CSMD2: variants seen among roughly 807,000 people sequenced by gnomAD.
The protein encoded by CSMD2 is CUB and sushi domain-containing protein 2.
In CSMD2, 130 loss-of-function variants were observed where a neutral mutation model predicts 398.5. The observed-to-expected ratio is 0.33, with a 90% confidence interval of 0.28 to 0.38. The LOEUF is 0.38. CSMD2 is among the 10% of genes least tolerant of loss of function. CSMD2 has a pLI of 1.00. For missense variants in CSMD2, 3,829 were observed against 4,764.9 expected (o/e 0.80, Z 5.78); for synonymous variants, 1,828 against 1,908.5 (o/e 0.96, Z 1.10).
At position 33,537,228 on chromosome 1, in the gene CSMD2, T is replaced by G; in HGVS notation, c.9806-133A>C. On this transcript the variant is annotated intron_variant, in intron 61 of 70. Coordinates refer to ENST00000373381, the MANE Select transcript of CSMD2 (RefSeq NM_001281956.2). This position sits in a 1 kb window ranked among gnomAD's most constrained non-coding sequence, Gnocchi z 4.6. Reference sequence around the variant, plus strand: ...TTCCCTGCCCACTGAGATCCCCACCTGAGCCTTGGCCCTGGCTGTCTATTT... The same window carrying G: ...TTCCCTGCCCACTGAGATCCCCACCGGAGCCTTGGCCCTGGCTGTCTATTT... The G allele has an allele frequency of 8.8e-7, 1 of 1,140,942 alleles. No individual in the cohort carries two copies. Among genetic ancestry groups the G allele is most frequent in the Admixed American group, 1.9e-5 (1 of 51,796 alleles). 70.7% of individuals were successfully genotyped at this position (1,140,942 alleles called of 1,614,324 possible).
At chr1:34,095,954 C>T (rs1659245308) in intron 1 of CSMD2, among the ~76,000 whole-genome samples, 1 of 152,054 alleles carries the variant, frequency 6.6e-6, no homozygotes, top group Non-Finnish European at 1.5e-5. Flanking sequence ...AGAGACACAA[C>T]CAAAAAAGAG....
At chr1:33,573,450 T>A (rs1397933267) in intron 49 of CSMD2, among the ~76,000 whole-genome samples, 1 of 151,630 alleles carries the variant, frequency 6.6e-6, no homozygotes, top group Non-Finnish European at 1.5e-5. Context: ...ATCAGTAGTA[T>A]CTTGAGAAAG....
intron 9 of CSMD2, among the ~76,000 whole-genome samples, chr1:33,819,087 G>A (rs1013749515): frequency 1.3e-5 from 2 of 152,188 alleles, no homozygotes; most frequent in African/African-American, 4.8e-5. Context: ...TACCACAGAA[G>A]CAGCTGTAGC....
intron 3 of CSMD2, among the ~76,000 whole-genome samples, chr1:33,993,647 G>T (rs1255119463): frequency 1.3e-5 from 2 of 151,938 alleles, no homozygotes; most frequent in African/African-American, 4.8e-5. Flanking sequence ...CAATAATATT[G>T]AAAGAGAAAT....
chr1:33,624,391 G>T lies in CSMD2; in HGVS notation c.5625+128C>A. ...TAGCCGCAGGGGCAGGTACAGGGCT[G>T]ATATGTCTCTTCCTGGCTCACCCTG... On this transcript the variant is annotated intron_variant, in intron 35 of 70. Coordinates refer to ENST00000373381, the MANE Select transcript of CSMD2 (RefSeq NM_001281956.2). This position sits in a 1 kb window ranked among gnomAD's most constrained non-coding sequence, Gnocchi z 4.7. 8.2e-7 allele frequency: 1 copy of T among 1,214,140 alleles called. No individual in the cohort carries two copies. The highest frequency in any genetic ancestry group is 1.2e-6 in the Non-Finnish European group (1 of 862,654). 75.2% of individuals were successfully genotyped at this position (1,214,140 alleles called of 1,614,324 possible). A position where few individuals can be genotyped will look rare whatever the true frequency, so the allele number is the denominator to read the frequency against.
Position 33,810,780 on chromosome 1 carries a change from T to C in CSMD2, c.1409A>G (p.His470Arg). Residue 470 changes from histidine to arginine, a missense_variant, in exon 10 of 71, where the codon CAC becomes CGC. This residue lies in a region of CSMD2 where 2,001 missense variants were observed against 2,567.1 expected (regional missense o/e 0.78). Coordinates refer to ENST00000373381, the MANE Select transcript of CSMD2 (RefSeq NM_001281956.2). ...GAGTGCTGTGATGATCCACACACAG[T>C]GTGCATTGTTGTCATACTGAATGGG... Reference protein sequence around the residue: ...NFPIQYDNNAHCVWIITALNP... With the variant: ...NFPIQYDNNARCVWIITALNP... The C allele has an allele frequency of 2.5e-6, 4 of 1,613,024 alleles. No homozygotes were observed. The highest frequency in any genetic ancestry group is 3.4e-4 in the Middle Eastern group (2 of 5,948).
intron 2 of CSMD2, among the ~76,000 whole-genome samples, chr1:34,082,028 G>A (rs1657224494): frequency 6.6e-6 from 1 of 150,690 alleles, no homozygotes; most frequent in South Asian, 2.1e-4. Context: ...TCTGGGAAGT[G>A]AGGAGCGCCT....
At chr1:33,739,903 C>G (rs901158895) in intron 14 of CSMD2, among the ~76,000 whole-genome samples, 1 of 152,138 alleles carries the variant, frequency 6.6e-6, no homozygotes, top group African/African-American at 2.4e-5. Context: ...CTCACTCTAC[C>G]CAGGCAATTG....
At chr1:33,724,136 G>A in intron 19 of CSMD2, 61 bp downstream of exon 19, 1 of 1,198,344 alleles carries the variant, frequency 8.3e-7, no homozygotes, top group Non-Finnish European at 1.2e-6. Context: ...AACTTGACCT[G>A]AGGAACTTGG....
chr1:33,804,937 C>A, intron 10 of CSMD2: 1 of 715,826 alleles, frequency 1.4e-6, no homozygotes, highest in Non-Finnish European at 2.6e-6. Context: ...TTTCTGGGCT[C>A]CCTCAGCACT....
In CSMD2 at chr1:33,617,685, G is replaced by A. The variant is rs576265988; in HGVS notation, c.5828-68C>T. The A allele has an allele frequency of 9.5e-5, 112 of 1,174,816 alleles. No homozygotes were observed. The African/African-American group carries it at 1.6e-3, about 17-fold the overall frequency. 72.8% of individuals were successfully genotyped at this position (1,174,816 alleles called of 1,614,324 possible). A position where few individuals can be genotyped will look rare whatever the true frequency, so the allele number is the denominator to read the frequency against. On this transcript the variant is annotated intron_variant, in intron 37 of 70. Coordinates refer to ENST00000373381, the MANE Select transcript of CSMD2 (RefSeq NM_001281956.2). ...CAGCAGGTCAACGTGGCGGTAGGCT[G>A]GGGTGAGATGCTGGTGGCAGGGAGA...
intron 53 of CSMD2, among the ~76,000 whole-genome samples, chr1:33,562,801 C>T (rs1011997098): frequency 3.9e-5 from 6 of 152,158 alleles, no homozygotes; most frequent in Admixed American, 1.3e-4. Context: ...GAAAAGGCAG[C>T]CTGCTATCCC....
chr1:33,527,308 C>T, intron 64 of CSMD2, 50 bp from the exon 65 acceptor site: 2 of 1,486,764 alleles, frequency 1.3e-6, no homozygotes, highest in Non-Finnish European at 1.9e-6. Context: ...CTGGTTCACA[C>T]TCTGTTGGAA....
intron 19 of CSMD2, 65 bp downstream of exon 19, chr1:33,724,132 A>G (rs1329539616): frequency 1.8e-6 from 2 of 1,136,782 alleles, no homozygotes; most frequent in Non-Finnish European, 2.7e-6. Context: ...GGTCAACTTG[A>G]CCTGAGGAAC....
At chr1:33,679,831 T>C (rs1644844156) in intron 25 of CSMD2, among the ~76,000 whole-genome samples, 1 of 152,246 alleles carries the variant, frequency 6.6e-6, no homozygotes, top group African/African-American at 2.4e-5. Context: ...TGCAGATTCA[T>C]GACTGTTAGC....
chr1:33,728,051 A>C (rs1646597597), intron 15 of CSMD2, among the ~76,000 whole-genome samples: 1 of 152,204 alleles, frequency 6.6e-6, no homozygotes, highest in Admixed American at 6.5e-5. Flanking sequence ...GCTGAGGCTT[A>C]CGGAGGTTGA....
At chr1:33,827,847 C>G (rs1659005468) in intron 6 of CSMD2, among the ~76,000 whole-genome samples, 1 of 152,192 alleles carries the variant, frequency 6.6e-6, no homozygotes, top group African/African-American at 2.4e-5. Context: ...AGCCTCTTTT[C>G]TTGTGATCTG....
intron 26 of CSMD2, among the ~76,000 whole-genome samples, chr1:33,660,662 G>A (rs1049662660): frequency 2.0e-5 from 3 of 152,204 alleles, no homozygotes; most frequent in Non-Finnish European, 4.4e-5. Flanking sequence ...TGACCTTTCT[G>A]GAGCCCAGGC....
intron 57 of CSMD2, among the ~76,000 whole-genome samples, chr1:33,544,814 AC>A (rs1656713960): frequency 7.0e-6 from 1 of 142,722 alleles, no homozygotes; most frequent in Admixed American, 6.9e-5. Flanking sequence ...AAATGCCCTG[AC>A]TTGACCACTG....
Sources: gnomAD v4.1 joint callset for allele counts (sites outside exome capture counted in the v4.1 genomes callset) on GRCh38, gnomAD v4.1.1 for gene constraint, gnomAD v4.1.1 regional missense constraint, Gnocchi (gnomAD v3.1) non-coding constraint, MANE v1.5 for transcripts, NCBI Gene and HGNC (gene_info 2026-07-23, HGNC 2026-07-21) for gene names.